Variants in PDE6A observed in about 807,000 individuals in gnomAD.
The protein encoded by PDE6A is phosphodiesterase 6A.
A neutral mutation model predicts 106.3 loss-of-function variants in PDE6A; 84 were observed. The ratio of observed to expected loss-of-function variants is 0.79; its 90% CI spans 0.66 to 0.95. The LOEUF (loss-of-function observed/expected upper bound fraction) is 0.95. Ranked by LOEUF, PDE6A falls within the 40% of genes least tolerant of loss-of-function variation. The pLI, the probability that PDE6A is intolerant of heterozygous loss-of-function variation, is 0.00. For synonymous variants in PDE6A, 394 were observed against 386.6 expected, an observed-to-expected ratio of 1.02 and a Z score of -0.23; for missense variants, 1,052 against 1,084.9, an observed-to-expected ratio of 0.97 and a Z score of 0.43.
At chr5:149,926,197 G>A (rs1192838286) in intron 4 of PDE6A, among the ~76,000 whole-genome samples, 4 of 151,832 alleles carry the variant, frequency 2.6e-5, no homozygotes, top group Non-Finnish European at 5.9e-5. Flanking sequence ...AGCCAAAATC[G>A]CACCACTGCA....
chr5:149,907,485 C>T, intron 6 of PDE6A, 107 bp from the exon 7 acceptor site: 2 of 842,962 alleles, frequency 2.4e-6, no homozygotes, highest in South Asian at 2.7e-5. Flanking sequence ...GCTCTCAGCA[C>T]CTGCTTACAT....
At chr5:149,928,152 TA>T (rs2113651683) in intron 4 of PDE6A, among the ~76,000 whole-genome samples, 1 of 145,920 alleles carries the variant, frequency 6.9e-6, no homozygotes, top group East Asian at 2.0e-4. Context: ...ACCAGTAACA[TA>T]GTTTTCTAGT....
intron 4 of PDE6A, among the ~76,000 whole-genome samples, chr5:149,926,597 C>T (rs1382258282): frequency 3.9e-5 from 6 of 152,122 alleles, no homozygotes. Context: ...CATTACAGCA[C>T]AAGAATCAAT....
chr5:149,920,964 A>AAG lies in PDE6A; in HGVS notation c.933+669_933+670dup, dbSNP rs1228410287. 9.4e-5 allele frequency among the ~76,000 whole-genome samples: 12 copies of AAG among 127,800 alleles called. 2 individuals are homozygous for AAG. The highest frequency in any genetic ancestry group is 3.1e-4 in the African/African-American group (7 of 22,860). The allele number at this position is 127,800 out of a possible 152,430, so 83.8% of individuals were successfully genotyped here. A position where few individuals can be genotyped will look rare whatever the true frequency, so the allele number is the denominator to read the frequency against. On this transcript the variant is annotated intron_variant, in intron 5 of 21. Transcript: ENST00000255266. The stretch of plus-strand genomic sequence containing the variant: ...AGAAAAAGAAAGAAAGAAAGAAAGA[A>AAG]AGAAAGAAAGAAAGAAAGAAAGAAA...
intron 17 of PDE6A, among the ~76,000 whole-genome samples, chr5:149,875,014 A>G (rs1474135850): frequency 6.6e-6 from 1 of 152,078 alleles, no homozygotes; most frequent in Non-Finnish European, 1.5e-5. Flanking sequence ...CCACCAATAA[A>G]TGAAAGAGCT....
chr5:149,907,386 G>A lies in PDE6A; in HGVS notation c.999-8C>T, dbSNP rs1469655472. The A allele has an allele frequency of 6.2e-7, 1 of 1,612,786 alleles. No individual in the cohort carries two copies. Among genetic ancestry groups the A allele is most frequent in the African/African-American group, 1.3e-5 (1 of 74,878 alleles). On this transcript the variant is annotated splice_polypyrimidine_tract_variant and splice_region_variant and intron_variant, in intron 6 of 21. Transcript: ENST00000255266. Reference sequence around the variant, plus strand: ...TGGTCAGGAGGTGGATTCCTGTGAAGGCCAAAGACAAAACGGTGACTCTCA... The same window carrying A: ...TGGTCAGGAGGTGGATTCCTGTGAAAGCCAAAGACAAAACGGTGACTCTCA...
chr5:149,882,161 G>A (rs576559578), intron 17 of PDE6A, among the ~76,000 whole-genome samples: 1 of 152,164 alleles, frequency 6.6e-6, no homozygotes, highest in East Asian at 1.9e-4. Flanking sequence ...CCCTTGTTCA[G>A]TGAAAGCAGA....
At chr5:149,920,942 A>AAAAAAAGAAAG (rs1554091213) in intron 5 of PDE6A, among the ~76,000 whole-genome samples, 4 of 108,282 alleles carry the variant, frequency 3.7e-5, no homozygotes, top group Non-Finnish European at 7.1e-5. Flanking sequence ...GAAAGAGAGA[A>AAAAAAAGAAAG]AAAGAAAGAA....
In PDE6A at chr5:149,866,191, A is replaced by G. The variant is rs17110644; in HGVS notation, c.2337T>C (p.Phe779=). 0.044 allele frequency: 71,577 copies of G among 1,613,712 alleles called. 2,011 individuals carry two copies. Among genetic ancestry groups the G allele is most frequent in the Admixed American group, 0.11 (6,577 of 60,020 alleles). The change falls in exon 20 of 22, where the codon TTT becomes TTC. Residue 779 remains phenylalanine, a synonymous_variant. Coordinates refer to ENST00000255266, the MANE Select transcript of PDE6A (RefSeq NM_000440.3). Reference sequence around the variant, plus strand: ...CTACCTTGTAGACGAAGGTGCAAACAAAGTCAATGAAGCCGACTTGAAGCT... The same window carrying G: ...CTACCTTGTAGACGAAGGTGCAAACGAAGTCAATGAAGCCGACTTGAAGCT... ...LPKLQVGFID[F]VCTFVYKEFS...
chr5:149,934,054 G>A, intron 2 of PDE6A, 35 bp from the exon 3 acceptor site: 1 of 1,200,344 alleles, frequency 8.3e-7, no homozygotes, highest in South Asian at 1.2e-5. Flanking sequence ...AGGCAGGTGA[G>A]AAGAAGAAAT....
intron 17 of PDE6A, among the ~76,000 whole-genome samples, chr5:149,883,064 A>AAAAAC (rs376365929): frequency 3.2e-4 from 49 of 152,340 alleles, no homozygotes; most frequent in African/African-American, 1.0e-3. Flanking sequence ...TCTCAAAACA[A>AAAAAC]AAAACAAAAC....
chr5:149,874,421 G>A (rs548106733), intron 17 of PDE6A, among the ~76,000 whole-genome samples: 4 of 152,266 alleles, frequency 2.6e-5, no homozygotes, highest in Admixed American at 2.6e-4. Flanking sequence ...TATTATAAAG[G>A]TTACAGCTCA....
chr5:149,915,031 ACTT>A (rs2113628750), intron 5 of PDE6A, 24 bp from the exon 6 acceptor site: 13 of 1,155,066 alleles, frequency 1.1e-5, no homozygotes, highest in Admixed American at 5.4e-5. Flanking sequence ...GAAAAATTAT[ACTT>A]TTTTTTTTTT....
intron 15 of PDE6A, 99 bp downstream of exon 15, chr5:149,884,681 C>T (rs1752212646): frequency 6.9e-7 from 1 of 1,439,286 alleles, no homozygotes. Context: ...GCAGCCCAGG[C>T]CAATGGGAAG....
At chr5:149,926,799 A>G (rs1277722431) in intron 4 of PDE6A, among the ~76,000 whole-genome samples, 1 of 151,992 alleles carries the variant, frequency 6.6e-6, no homozygotes, top group Admixed American at 6.6e-5. Flanking sequence ...CCAACATAGT[A>G]AAACCCTGTC....
At chr5:149,871,923 T>C (rs1397099036) in intron 17 of PDE6A, among the ~76,000 whole-genome samples, 8 of 152,092 alleles carry the variant, frequency 5.3e-5, no homozygotes, top group Admixed American at 5.2e-4. Flanking sequence ...TCAGCAGCAT[T>C]TGGGGACAGA....
At chr5:149,935,593 G>A (rs1754158195) in intron 1 of PDE6A, among the ~76,000 whole-genome samples, 1 of 152,190 alleles carries the variant, frequency 6.6e-6, no homozygotes, top group South Asian at 2.1e-4. Context: ...TGAGTGTATA[G>A]AGGAGCACAC....
intron 1 of PDE6A, among the ~76,000 whole-genome samples, chr5:149,943,338 G>T (rs1413555092): frequency 6.6e-6 from 1 of 152,174 alleles, no homozygotes; most frequent in Admixed American, 6.5e-5. Flanking sequence ...TTGGGGCTAG[G>T]GTTACAGATT....
chr5:149,932,060 T>C, intron 3 of PDE6A: 1 of 1,482,988 alleles, frequency 6.7e-7, no homozygotes, highest in Non-Finnish European at 9.4e-7. Flanking sequence ...CTACAGTAAT[T>C]GAATACACGA....
Sources: allele counts gnomAD v4.1 joint callset (sites outside exome capture counted in the v4.1 genomes callset), GRCh38; gene constraint gnomAD v4.1.1; transcripts MANE v1.5; gene names NCBI Gene and HGNC (gene_info 2026-07-23, HGNC 2026-07-21).